MAP3K2: variants seen among roughly 807,000 people sequenced by gnomAD.
MAP3K2 encodes mitogen-activated protein kinase kinase kinase 2, also known as MAP/ERK kinase kinase 2.
A neutral mutation model predicts 80.3 loss-of-function variants in MAP3K2; 24 were observed. The observed-to-expected ratio is 0.30, with a 90% CI of 0.22 to 0.42. MAP3K2 has a LOEUF of 0.42. Ranked by LOEUF, MAP3K2 falls within the 10% of genes least tolerant of loss-of-function variation. The probability of loss-of-function intolerance (pLI) is 1.00; values close to 1 mark genes in which losing one functional copy is unlikely to be tolerated. For synonymous variants in MAP3K2, 244 were observed against 253.7 expected (o/e 0.96, Z 0.36); for missense variants, 608 against 750.1 (o/e 0.81, Z 2.21).
chr2:127,343,961 C>G (rs536550587), intron 1 of MAP3K2, among the ~76,000 whole-genome samples: 1 of 151,762 alleles, frequency 6.6e-6, no homozygotes, highest in East Asian at 1.9e-4. Flanking sequence ...GTTGAGGTTG[C>G]AGTGAGCTGT....
chr2:127,378,210 T>A, intron 1 of MAP3K2: 1 of 960,404 alleles, frequency 1.0e-6, no homozygotes, highest in Non-Finnish European at 1.2e-6. Flanking sequence ...AGGTACAAAT[T>A]TTAAAAACTT....
chr2:127,325,377 TA>T (rs1558977223), intron 9 of MAP3K2, among the ~76,000 whole-genome samples: 1 of 152,104 alleles, frequency 6.6e-6, no homozygotes, highest in Non-Finnish European at 1.5e-5. Flanking sequence ...TCATATCTAT[TA>T]AAAAAGAAAA....
At chr2:127,334,355 TAGAAAAA>T (rs1272568084) in intron 5 of MAP3K2, among the ~76,000 whole-genome samples, 1 of 152,166 alleles carries the variant, frequency 6.6e-6, no homozygotes, top group Non-Finnish European at 1.5e-5. Context: ...AATACAATTT[TAGAAAAA>T]AGAAAAAAAG....
At chr2:127,340,402 T>C (rs1262877453) in intron 2 of MAP3K2, among the ~76,000 whole-genome samples, 2 of 152,182 alleles carry the variant, frequency 1.3e-5, no homozygotes, top group Non-Finnish European at 2.9e-5. Context: ...CTCAAGCCTG[T>C]AATCCCAACA....
chr2:127,323,928 G>A lies in MAP3K2; in HGVS notation c.812C>T (p.Ser271Leu), dbSNP rs762610000. The A allele has an allele frequency of 1.3e-6, 2 of 1,549,214 alleles. No individual in the cohort carries two copies. The highest frequency in any genetic ancestry group is 1.8e-6 in the Non-Finnish European group (2 of 1,137,500). ...ATCATTATACTCTTGATGATGATATGAAACATGATACCTTCTTGGATATGT... is the reference window on the plus strand; with the variant it reads ...ATCATTATACTCTTGATGATGATATAAAACATGATACCTTCTTGGATATGT... Reference protein sequence around the residue: ...GGTYPRRYHVSYHHQEYNDGR... With the variant: ...GGTYPRRYHVLYHHQEYNDGR... The change falls in exon 11 of 17, where the codon TCA becomes TTA. Residue 271 changes from serine (S) to leucine (L), a missense_variant. Transcript: ENST00000682094.
Position 127,321,453 on chromosome 2 carries a change from G to A in MAP3K2, c.1045+593C>T, listed in dbSNP as rs1253389701. On this transcript the variant is annotated intron_variant, in intron 12 of 16. Transcript: ENST00000682094. This position sits in a 1 kb window ranked among gnomAD's most constrained non-coding sequence, Gnocchi z 4.4. ...ACTAGCACACAAAAAGGAATTCAGA[G>A]TATGCAAATAGTGCTGCAATAAACA... Among the ~76,000 whole-genome samples the A allele has an allele frequency of 6.6e-6, 1 of 152,196 alleles. No individual in the cohort carries two copies. Among genetic ancestry groups the A allele is most frequent in the South Asian group, 2.1e-4 (1 of 4,834 alleles).
chr2:127,309,940 C>T (rs1211674429), intron 15 of MAP3K2, among the ~76,000 whole-genome samples: 1 of 152,136 alleles, frequency 6.6e-6, no homozygotes, highest in East Asian at 1.9e-4. Flanking sequence ...AAGAAATTCG[C>T]CACGCACAGC....
intron 1 of MAP3K2, among the ~76,000 whole-genome samples, chr2:127,370,418 C>T (rs1313103066): frequency 1.3e-5 from 2 of 152,112 alleles, no homozygotes; most frequent in Non-Finnish European, 2.9e-5. Flanking sequence ...ACAACAGAAC[C>T]CTTGAAAATG....
intron 1 of MAP3K2, among the ~76,000 whole-genome samples, chr2:127,356,516 CTAAT>C (rs1190539497): frequency 1.3e-5 from 2 of 151,980 alleles, no homozygotes; most frequent in Admixed American, 1.3e-4. Flanking sequence ...TTTTATTAGC[CTAAT>C]TTTTTATTTT....
At position 127,344,033 on chromosome 2, in the gene MAP3K2, C is replaced by A. The variant is rs539199105; in HGVS notation, c.-65-839G>T. Reference sequence around the variant, plus strand: ...GAAGAAAAAAAAAAGTGTTTGTATACCATTGCAATTAAGTTGATATTACCT... The same window carrying A: ...GAAGAAAAAAAAAAGTGTTTGTATAACATTGCAATTAAGTTGATATTACCT... On this transcript the variant is annotated intron_variant, in intron 1 of 16. Coordinates refer to ENST00000682094, the MANE Select transcript of MAP3K2 (RefSeq NM_001371910.2). Among the ~76,000 whole-genome samples, 11 of 151,954 alleles carry A rather than the reference C, an allele frequency of 7.2e-5. No individual in the cohort carries two copies. The East Asian group carries it at 2.1e-3, about 29-fold the overall frequency.
At chr2:127,332,219 C>G (rs1573988474) in intron 5 of MAP3K2, among the ~76,000 whole-genome samples, 1 of 152,294 alleles carries the variant, frequency 6.6e-6, no homozygotes, top group Middle Eastern at 3.4e-3. Context: ...TTGCTTCTAT[C>G]TTCAATAGTC....
intron 1 of MAP3K2, among the ~76,000 whole-genome samples, chr2:127,385,125 T>C (rs1246450875): frequency 6.6e-6 from 1 of 152,246 alleles, no homozygotes; most frequent in Non-Finnish European, 1.5e-5. Flanking sequence ...TGAAAAATGT[T>C]CTATGGTGAG....
chr2:127,346,995 A>C (rs998680255), intron 1 of MAP3K2, among the ~76,000 whole-genome samples: 1 of 152,166 alleles, frequency 6.6e-6, no homozygotes, highest in East Asian at 1.9e-4. Flanking sequence ...TGTCTCAAGG[A>C]AAAAAAGAAA....
chr2:127,352,340 T>C (rs901446179), intron 1 of MAP3K2, among the ~76,000 whole-genome samples: 1 of 152,092 alleles, frequency 6.6e-6, no homozygotes, highest in African/African-American at 2.4e-5. Flanking sequence ...AAAACATAAA[T>C]ATCCATTACA....
chr2:127,372,553 G>A (rs952780038), intron 1 of MAP3K2, among the ~76,000 whole-genome samples: 25 of 152,134 alleles, frequency 1.6e-4, no homozygotes, highest in Non-Finnish European at 1.5e-5. Context: ...AGCAGAGCAC[G>A]TGCCCCCTAA....
chr2:127,336,402 T>G (rs1208345372), intron 4 of MAP3K2, among the ~76,000 whole-genome samples: 1 of 152,238 alleles, frequency 6.6e-6, no homozygotes, highest in Admixed American at 6.5e-5. Context: ...TCAACATTTT[T>G]GGGTACATAT....
intron 1 of MAP3K2, among the ~76,000 whole-genome samples, chr2:127,366,866 G>GT (rs367670762): frequency 0.33 from 28,119 of 84,886 alleles, 6,837 homozygotes; most frequent in South Asian, 0.56. Context: ...ACAGTCAAGG[G>GT]TTTTTTTTTT....
At chr2:127,375,355 G>A (rs1215711917) in intron 1 of MAP3K2, among the ~76,000 whole-genome samples, 1 of 151,994 alleles carries the variant, frequency 6.6e-6, no homozygotes, top group East Asian at 1.9e-4. Flanking sequence ...TCTGGACACA[G>A]ACACCATTCA....
In MAP3K2 at chr2:127,387,894, G is replaced by A; in HGVS notation, c.-508C>T. Reference sequence around the variant, plus strand: ...GCGGGCCGTGCAACCCCCGAACGCTGCGCCCAGCGGCCGCGGCACCCTCGT... The same window carrying A: ...GCGGGCCGTGCAACCCCCGAACGCTACGCCCAGCGGCCGCGGCACCCTCGT... On this transcript the variant is annotated 5_prime_UTR_variant, in exon 1 of 17. Transcript: ENST00000682094. 2 of 982,206 alleles carry A rather than the reference G, an allele frequency of 2.0e-6. No homozygotes were observed. Among genetic ancestry groups the A allele is most frequent in the Non-Finnish European group, 2.4e-6 (2 of 827,212 alleles). 60.8% of individuals were successfully genotyped at this position (982,206 alleles called of 1,614,324 possible).
Sources: allele counts gnomAD v4.1 joint callset (sites outside exome capture counted in the v4.1 genomes callset), GRCh38; gene constraint gnomAD v4.1.1; non-coding constraint Gnocchi (gnomAD v3.1); transcripts MANE v1.5; gene names NCBI Gene and HGNC (gene_info 2026-07-23, HGNC 2026-07-21).